Variants in DYNC1I1 observed in about 807,000 individuals in gnomAD.
DYNC1I1 encodes dynein cytoplasmic 1 intermediate chain 1.
Under a neutral mutation model 86.6 loss-of-function variants are expected in DYNC1I1, and 43 were observed. That is an observed-to-expected ratio of 0.50 (90% CI 0.39 to 0.64). The LOEUF (loss-of-function observed/expected upper bound fraction) is 0.64. DYNC1I1 is among the 30% of genes least tolerant of loss of function. The pLI is 0.00. For missense variants in DYNC1I1, 604 were observed against 788.8 expected (o/e 0.77, Z 2.81); for synonymous variants, 262 against 283.7 (o/e 0.92, Z 0.77).
chr7:95,778,677 T>C (rs1793908444), intron 1 of DYNC1I1, among the ~76,000 whole-genome samples: 1 of 151,380 alleles, frequency 6.6e-6, no homozygotes, highest in Non-Finnish European at 1.5e-5. Context: ...ATTTATTTAT[T>C]TACAAACAGG....
chr7:96,043,856 C>T lies in DYNC1I1; in HGVS notation c.1509+4435C>T, dbSNP rs112509820. Among the ~76,000 whole-genome samples, 431 of 152,012 alleles carry T rather than the reference C, an allele frequency of 2.8e-3. 3 individuals carry two copies. Among genetic ancestry groups the T allele is most frequent in the African/African-American group, 9.7e-3 (404 of 41,486 alleles). The stretch of plus-strand genomic sequence containing the variant: ...TTCCGAGCAGCTGGGATTACAGGTG[C>T]CCGCCACTACAACTGGCTAATTTTT... On this transcript the variant is annotated intron_variant, in intron 14 of 16. Coordinates refer to ENST00000447467, the MANE Select transcript of DYNC1I1 (RefSeq NM_001135556.2).
intron 6 of DYNC1I1, among the ~76,000 whole-genome samples, chr7:95,946,231 T>G (rs1178443070): frequency 6.6e-6 from 1 of 151,704 alleles, no homozygotes; most frequent in Non-Finnish European, 1.5e-5. Context: ...GTTTGATAGG[T>G]GCAGCAAACC....
chr7:95,925,708 T>C (rs1226471391), intron 6 of DYNC1I1, among the ~76,000 whole-genome samples: 1 of 152,232 alleles, frequency 6.6e-6, no homozygotes, highest in Non-Finnish European at 1.5e-5. Context: ...CCTTCATAGA[T>C]GCAGAGTAAG....
At chr7:95,975,648 A>G (rs150350281) in intron 6 of DYNC1I1, among the ~76,000 whole-genome samples, 43 of 152,322 alleles carry the variant, frequency 2.8e-4, no homozygotes, top group African/African-American at 1.0e-3. Flanking sequence ...ACTTCAACAT[A>G]TGAATTTTGG....
intron 1 of DYNC1I1, among the ~76,000 whole-genome samples, chr7:95,797,562 A>T (rs910747610): frequency 6.6e-6 from 1 of 152,242 alleles, no homozygotes; most frequent in African/African-American, 2.4e-5. Context: ...TAACCTATTC[A>T]TGACATTATA....
intron 4 of DYNC1I1, 114 bp from the exon 5 acceptor site, chr7:95,827,943 T>G (rs1584257879): frequency 1.1e-6 from 1 of 943,108 alleles, no homozygotes; most frequent in East Asian, 2.5e-5. Flanking sequence ...GGACATGTTC[T>G]GTGTATGTAT....
At chr7:95,921,010 G>A (rs927788767) in intron 6 of DYNC1I1, among the ~76,000 whole-genome samples, 10 of 152,178 alleles carry the variant, frequency 6.6e-5, no homozygotes, top group African/African-American at 2.4e-4. Flanking sequence ...GTAATTTTCA[G>A]TTGATGGTTT....
intron 6 of DYNC1I1, among the ~76,000 whole-genome samples, chr7:95,950,167 C>T (rs1354972501): frequency 1.3e-5 from 2 of 152,248 alleles, no homozygotes; most frequent in East Asian, 1.9e-4. Context: ...GAAAAACGAG[C>T]CTTGCGAAAA....
intron 10 of DYNC1I1, among the ~76,000 whole-genome samples, chr7:96,020,451 C>T (rs1314738722): frequency 6.6e-6 from 1 of 152,104 alleles, no homozygotes; most frequent in Non-Finnish European, 1.5e-5. Flanking sequence ...GAGACCCACC[C>T]GCCAGCGCAA....
intron 1 of DYNC1I1, among the ~76,000 whole-genome samples, chr7:95,776,420 T>A (rs954862380): frequency 6.6e-6 from 1 of 152,154 alleles, no homozygotes; most frequent in Admixed American, 6.5e-5. Flanking sequence ...CCATAGATAC[T>A]GTAAAAGGGA....
chr7:95,882,005 A>T (rs1025846680), intron 6 of DYNC1I1, among the ~76,000 whole-genome samples: 4 of 152,208 alleles, frequency 2.6e-5, no homozygotes, highest in African/African-American at 9.6e-5. Flanking sequence ...GGCTGAGGAC[A>T]CCATATTCAT....
chr7:95,842,426 A>G (rs978524944), intron 5 of DYNC1I1, among the ~76,000 whole-genome samples: 3 of 152,212 alleles, frequency 2.0e-5, no homozygotes, highest in Admixed American at 2.0e-4. Flanking sequence ...CTTTAAGACT[A>G]TTACAAGGTG....
At chr7:95,986,966 G>A in intron 8 of DYNC1I1, 90 bp from the exon 9 acceptor site, 1 of 1,133,354 alleles carries the variant, frequency 8.8e-7, no homozygotes, top group South Asian at 1.3e-5. Flanking sequence ...AGAGAGTATT[G>A]TGTGCCAGGC....
intron 6 of DYNC1I1, among the ~76,000 whole-genome samples, chr7:95,971,273 A>C (rs1235399778): frequency 6.6e-6 from 1 of 152,188 alleles, no homozygotes; most frequent in African/African-American, 2.4e-5. Context: ...AATGAGACAA[A>C]AGGCATTACG....
Position 96,087,480 on chromosome 7 carries a change from G to A in DYNC1I1, c.1776+6992G>A, listed in dbSNP as rs139065166. Among the ~76,000 whole-genome samples the A allele has an allele frequency of 2.2e-3, 338 of 152,302 alleles. 3 individuals are homozygous for A. The highest frequency in any genetic ancestry group is 0.021 in the Admixed American group (314 of 15,298). On this transcript the variant is annotated intron_variant, in intron 16 of 16. Coordinates refer to ENST00000447467, the MANE Select transcript of DYNC1I1 (RefSeq NM_001135556.2). ...ATCACTGGTGTTTCTCATTAAATGA[G>A]TGTGGCCATTAATTTCCTAGATTCT...
At position 95,804,740 on chromosome 7, in the gene DYNC1I1, A is replaced by G. The variant is rs749605007; in HGVS notation, c.11A>G (p.Lys4Arg). The change falls in exon 2 of 17, where the codon AAA (lysine) becomes AGA (arginine). Residue 4 changes from lysine to arginine, a missense_variant. Physicochemically the swap from Lys to Arg is conservative, Grantham distance 26. Transcript: ENST00000447467. MSD[K>R]SDLKAELERK... Reference sequence around the variant, plus strand: ...TCCAAGGAAACCAACATGTCTGACAAAAGTGACTTAAAAGCTGAGCTAGAG... The same window carrying G: ...TCCAAGGAAACCAACATGTCTGACAGAAGTGACTTAAAAGCTGAGCTAGAG... 6.3e-7 allele frequency: 1 copy of G among 1,597,292 alleles called. No homozygotes were observed. Among genetic ancestry groups the G allele is most frequent in the Non-Finnish European group, 8.5e-7 (1 of 1,172,426 alleles).
chr7:95,890,623 G>A (rs4729220), intron 6 of DYNC1I1, among the ~76,000 whole-genome samples: 148,858 of 152,296 alleles, frequency 0.98, 72,828 homozygotes, highest in Middle Eastern at 1. Flanking sequence ...AAATTAATGA[G>A]ATGCTCTTTA....
intron 6 of DYNC1I1, among the ~76,000 whole-genome samples, chr7:95,877,595 T>C (rs1179331404): frequency 6.6e-6 from 1 of 152,208 alleles, no homozygotes; most frequent in African/African-American, 2.4e-5. Context: ...CCTAAGGGCA[T>C]CCTCAAAACA....
rs544975161 is a variant in DYNC1I1 at position 96,004,860 on chromosome 7, T to C, written c.969+8787T>C. On this transcript the variant is annotated intron_variant, in intron 10 of 16. Transcript: ENST00000447467. The stretch of plus-strand genomic sequence containing the variant: ...AGATGTTTAAAAACACATGGCAGCA[T>C]TAGCTTGGTTTAGAATTCATAGTTA... 3.9e-5 allele frequency among the ~76,000 whole-genome samples: 6 copies of C among 152,312 alleles called. No homozygotes were observed. In the East Asian group the frequency reaches 9.6e-4, roughly 24 times the overall value.
Sources: allele counts gnomAD v4.1 joint callset (sites outside exome capture counted in the v4.1 genomes callset), GRCh38; gene constraint gnomAD v4.1.1; transcripts MANE v1.5; gene names NCBI Gene and HGNC (gene_info 2026-07-23, HGNC 2026-07-21).